The following ZNF469 variants were observed in gnomAD, a reference collection of about 807,000 sequenced individuals.
The protein encoded by ZNF469 is zinc finger protein 469.
A neutral mutation model predicts 1.0 loss-of-function variants in ZNF469; 1 was observed. That is an observed-to-expected ratio of 1.00 (90% CI 0.35 to 4.73). The LOEUF (loss-of-function observed/expected upper bound fraction) is 4.73. Among genes scored for constraint, ZNF469 ranks in the 30% most tolerant of loss-of-function variants. ZNF469 has a pLI of 0.16. For missense variants in ZNF469, 6,100 were observed against 5,356.3 expected, an observed-to-expected ratio of 1.14 and a Z score of -4.33; for synonymous variants, 2,703 against 2,363.4, an observed-to-expected ratio of 1.14 and a Z score of -4.17.
In ZNF469 at chr16:88,431,064, C is replaced by A. The variant is rs753105781; in HGVS notation, c.3594C>A (p.Ala1198=). Residue 1198 remains alanine (A), a synonymous_variant, in exon 3 of 3, where the codon GCC becomes GCA. Coordinates refer to ENST00000565624, the MANE Select transcript of ZNF469 (RefSeq NM_001367624.2). ...AGTGTGCTGATCGCCCCTCAGTGGCCCCCAAGGATCCCCTGCAGGTCCCCA... is the reference window on the plus strand; with the variant it reads ...AGTGTGCTGATCGCCCCTCAGTGGCACCCAAGGATCCCCTGCAGGTCCCCA... ...GPKCADRPSV[A]PKDPLQVPTN... 4.5e-6 allele frequency: 7 copies of A among 1,549,258 alleles called. No homozygotes were observed. The highest frequency in any genetic ancestry group is 2.4e-5 in the South Asian group (2 of 84,048).
At chr16:88,338,652 G>C in the ZNF469 span, among the ~76,000 whole-genome samples, 1 of 152,196 alleles carries the variant, frequency 6.6e-6, no homozygotes, top group East Asian at 1.9e-4. Context: ...AACATGGCCT[G>C]CTTTACAGAC....
chr16:88,206,581 C>G, the ZNF469 span, among the ~76,000 whole-genome samples: 24 of 152,066 alleles, frequency 1.6e-4, no homozygotes, highest in Non-Finnish European at 2.9e-4. Context: ...AACAAACAAA[C>G]AAAACCCTAC....
the ZNF469 span, among the ~76,000 whole-genome samples, chr16:88,138,015 C>G: frequency 3.3e-5 from 5 of 152,274 alleles, no homozygotes; most frequent in African/African-American, 9.6e-5. Flanking sequence ...TTCACCCCAT[C>G]ACGGAGCATT....
At chr16:88,233,189 G>A in the ZNF469 span, among the ~76,000 whole-genome samples, 2 of 152,230 alleles carry the variant, frequency 1.3e-5, no homozygotes, top group East Asian at 1.9e-4. Context: ...GAAAGAGGCT[G>A]TGGGCACCGC....
At chr16:88,372,000 C>T in the ZNF469 span, among the ~76,000 whole-genome samples, 1 of 150,072 alleles carries the variant, frequency 6.7e-6, no homozygotes, top group Non-Finnish European at 1.5e-5. Context: ...CCATCACCAT[C>T]ATCACCATCA....
chr16:88,332,094 G>C, the ZNF469 span, among the ~76,000 whole-genome samples: 1 of 152,212 alleles, frequency 6.6e-6, no homozygotes, highest in Non-Finnish European at 1.5e-5. Context: ...CCTGAGGACA[G>C]GCATGATGGG....
the ZNF469 span, among the ~76,000 whole-genome samples, chr16:88,296,440 A>C: frequency 6.8e-6 from 1 of 146,560 alleles, no homozygotes; most frequent in African/African-American, 2.5e-5. Flanking sequence ...ATGCACACTC[A>C]CAGACATGCT....
chr16:88,435,111 C>T lies in ZNF469; in HGVS notation c.7641C>T (p.Ser2547=). Residue 2547 remains serine (S), a synonymous_variant, in exon 3 of 3, where the codon AGC becomes AGT. Coordinates refer to ENST00000565624, the MANE Select transcript of ZNF469 (RefSeq NM_001367624.2). The stretch of plus-strand genomic sequence containing the variant: ...CAAATCACTCACGGGGAGACCCCAG[C>T]CACGTCACCCAGCCACCGCCTGCCC... ...ERPNHSRGDP[S]HVTQPPPAQG... 6.5e-7 allele frequency: 1 copy of T among 1,550,386 alleles called. No homozygotes were observed. The highest frequency in any genetic ancestry group is 8.7e-7 in the Non-Finnish European group (1 of 1,146,980).
the ZNF469 span, among the ~76,000 whole-genome samples, chr16:88,275,871 C>A: frequency 3.3e-5 from 5 of 152,288 alleles, no homozygotes; most frequent in Non-Finnish European, 7.4e-5. Flanking sequence ...GGTGTCTCCC[C>A]AGCCCCTGGC....
intron 1 of ZNF469, among the ~76,000 whole-genome samples, chr16:88,400,688 G>A (rs1671187917): frequency 6.6e-6 from 1 of 152,128 alleles, no homozygotes; most frequent in East Asian, 1.9e-4. Flanking sequence ...GCAGTGCAAG[G>A]CCCCATTCCA....
intron 1 of ZNF469, among the ~76,000 whole-genome samples, chr16:88,421,520 C>T (rs772725142): frequency 2.0e-5 from 3 of 152,198 alleles, no homozygotes; most frequent in Non-Finnish European, 4.4e-5. Flanking sequence ...GGGACGCGTC[C>T]CCGAGCCCCT....
At chr16:88,234,579 C>T in the ZNF469 span, among the ~76,000 whole-genome samples, 2 of 152,254 alleles carry the variant, frequency 1.3e-5, no homozygotes, top group Non-Finnish European at 2.9e-5. Context: ...GCCTGTGGAT[C>T]ATCCACCAGG....
chr16:88,125,425 A>G, the ZNF469 span, among the ~76,000 whole-genome samples: 3,466 of 152,360 alleles, frequency 0.023, 140 homozygotes, highest in African/African-American at 0.08. Flanking sequence ...AAGTCATTCT[A>G]TGAAGCCATA....
At chr16:88,260,068 C>G in the ZNF469 span, among the ~76,000 whole-genome samples, 1 of 152,018 alleles carries the variant, frequency 6.6e-6, no homozygotes, top group Non-Finnish European at 1.5e-5. The surrounding 1 kb of genome is among the most constrained non-coding windows in gnomAD (Gnocchi z 4.1). Context: ...ACCTCCGCCT[C>G]CCGGGTTCAC....
chr16:88,374,514 C>T, the ZNF469 span, among the ~76,000 whole-genome samples: 10 of 152,238 alleles, frequency 6.6e-5, no homozygotes, highest in Non-Finnish European at 1.0e-4. Flanking sequence ...GAGTCTAGAA[C>T]TGAGTGAATA....
chr16:88,190,242 T>G, the ZNF469 span, among the ~76,000 whole-genome samples: 1 of 151,986 alleles, frequency 6.6e-6, no homozygotes, highest in South Asian at 2.1e-4. Flanking sequence ...CTCACAGGAG[T>G]GGGGTAGACC....
At position 88,436,597 on chromosome 16, in the gene ZNF469, G is replaced by A. The variant is rs1906596521; in HGVS notation, c.9127G>A (p.Ala3043Thr). 1.3e-6 allele frequency: 2 copies of A among 1,550,214 alleles called. No homozygotes were observed. The highest frequency in any genetic ancestry group is 2.4e-5 in the East Asian group (1 of 40,918). Residue 3043 changes from alanine to threonine, a missense_variant, in exon 3 of 3, where the codon GCC (alanine) becomes ACC (threonine). By Grantham distance (58) the Ala-to-Thr change is moderately conservative. Transcript: ENST00000565624. Reference sequence around the variant, plus strand: ...GAACACCCACCTGCTGCCGCTCCGTGCCACGGACTTTGAGGTGCTCAGCAC... The same window carrying A: ...GAACACCCACCTGCTGCCGCTCCGTACCACGGACTTTGAGGTGCTCAGCAC... ...PGNTHLLPLR[A>T]TDFEVLSTKF...
At chr16:88,143,751 T>C in the ZNF469 span, among the ~76,000 whole-genome samples, 1 of 152,236 alleles carries the variant, frequency 6.6e-6, no homozygotes, top group Non-Finnish European at 1.5e-5. Context: ...GTCGCAGCCT[T>C]GCGGGGAGCG....
the ZNF469 span, among the ~76,000 whole-genome samples, chr16:88,197,720 A>T: frequency 6.6e-6 from 1 of 152,208 alleles, no homozygotes; most frequent in South Asian, 2.1e-4. Context: ...GGCTGCCATC[A>T]TTCGCAGGCC....
Sources: gnomAD v4.1 joint callset for allele counts (sites outside exome capture counted in the v4.1 genomes callset) on GRCh38, gnomAD v4.1.1 for gene constraint, Gnocchi (gnomAD v3.1) non-coding constraint, MANE v1.5 for transcripts, NCBI Gene and HGNC (gene_info 2026-07-23, HGNC 2026-07-21) for gene names.